The following LGALS7B variants were observed in gnomAD, a reference collection of about 807,000 sequenced individuals.
LGALS7B encodes galectin 7B.
A neutral mutation model predicts 7.6 loss-of-function variants in LGALS7B; 1 was observed. The observed-to-expected ratio is 0.13, with a 90% CI of 0.05 to 0.62. The LOEUF (loss-of-function observed/expected upper bound fraction) is 0.62. LGALS7B is among the 20% of genes least tolerant of loss of function. The pLI is 0.87. For synonymous variants in LGALS7B, 7 were observed against 49.6 expected, an observed-to-expected ratio of 0.14 and a Z score of 3.61; for missense variants, 17 against 109.4, an observed-to-expected ratio of 0.16 and a Z score of 3.77.
chr19:38,790,398 A>C (rs1260373823), intron 2 of LGALS7B: 2 of 586,056 alleles, frequency 3.4e-6, no homozygotes, highest in Non-Finnish European at 6.0e-6. Context: ...GTGCCAGCCC[A>C]TAAGACCTTC....
At chr19:38,789,326 A>G in intron 1 of LGALS7B, 94 bp downstream of exon 1, 1 of 435,190 alleles carries the variant, frequency 2.3e-6, no homozygotes, top group South Asian at 4.5e-5. Flanking sequence ...TGTGCCACGG[A>G]CTGGCCTGGG....
intron 1 of LGALS7B, 95 bp downstream of exon 1, chr19:38,789,327 C>T (rs1233355603): frequency 3.9e-4 from 155 of 393,170 alleles, no homozygotes; most frequent in Non-Finnish European, 5.4e-4. Flanking sequence ...GTGCCACGGA[C>T]TGGCCTGGGC....
Position 38,790,752 on chromosome 19 carries a change from C to T in LGALS7B, c.159C>T (p.Pro53=), listed in dbSNP as rs56351361. ...QGSDAALHFN[P]RLDTSEVVFN... The stretch of plus-strand genomic sequence containing the variant: ...CCGATGCCGCCCTGCATTTCAACCC[C>T]CGGCTGGACACGTCGGAGGTGGTCT... Residue 53 remains proline, a synonymous_variant, in exon 3 of 4, where the codon CCC becomes CCT. Transcript: ENST00000314980. 2.8e-5 allele frequency: 45 copies of T among 1,610,864 alleles called. No homozygotes were observed. The highest frequency in any genetic ancestry group is 3.7e-5 in the Non-Finnish European group (44 of 1,178,942).
intron 2 of LGALS7B, among the ~76,000 whole-genome samples, chr19:38,790,332 C>T (rs76477826): frequency 0.07 from 10,576 of 151,884 alleles, 947 homozygotes; most frequent in East Asian, 0.48. Context: ...TCTCCTTCTG[C>T]GGTGTGTGCC....
At chr19:38,789,286 C>T in intron 1 of LGALS7B, 54 bp downstream of exon 1, 1 of 565,486 alleles carries the variant, frequency 1.8e-6, no homozygotes, top group South Asian at 3.8e-5. Flanking sequence ...GCTGGGGGCT[C>T]CTCTTTCAAA....
In LGALS7B at chr19:38,790,749, C is replaced by T. The variant is rs371961194; in HGVS notation, c.156C>T (p.Asn52=). ...EQGSDAALHF[N]PRLDTSEVVF... is the part of the protein sequence containing the mutation. ...GCTCCGATGCCGCCCTGCATTTCAACCCCCGGCTGGACACGTCGGAGGTGG... is the reference window on the plus strand; with the variant it reads ...GCTCCGATGCCGCCCTGCATTTCAATCCCCGGCTGGACACGTCGGAGGTGG... The change falls in exon 3 of 4, where the codon AAC becomes AAT. Residue 52 remains asparagine (N), a synonymous_variant. Transcript: ENST00000314980. 56 of 1,610,818 alleles carry T rather than the reference C, an allele frequency of 3.5e-5. No homozygotes were observed. The African/African-American group carries it at 5.1e-4, about 15-fold the overall frequency.
At position 38,789,378 on chromosome 19, in the gene LGALS7B, C is replaced by G. The variant is rs1443817498; in HGVS notation, c.6+146C>G. ...ACCCCCATCCCGACTGTCCCCTCTA[C>G]CTCTTTGTGGCTTCCTCTGGGGCCC... On this transcript the variant is annotated intron_variant, in intron 1 of 3. Transcript: ENST00000314980. 30 of 312,408 alleles carry G rather than the reference C, an allele frequency of 9.6e-5. No homozygotes were observed. The African/African-American group carries it at 1.2e-3, about 13-fold the overall frequency. The allele number at this position is 312,408 out of a possible 1,614,324, so 19.4% of individuals were successfully genotyped here.
Position 38,790,733 on chromosome 19 carries a change from C to G in LGALS7B, c.140C>G (p.Ala47Gly). 1 of 1,610,788 alleles carries G rather than the reference C, an allele frequency of 6.2e-7. No homozygotes were observed. The highest frequency in any genetic ancestry group is 1.7e-5 in the Admixed American group (1 of 59,930). Residue 47 changes from alanine to glycine, a missense_variant, in exon 3 of 4, where the codon GCC (alanine) becomes GGC (glycine). By Grantham distance (60) the Ala-to-Gly change is moderately conservative. Around this residue, in one of 2 missense-constraint regions of LGALS7B, gnomAD observed 17 missense variants for 53.9 expected, o/e 0.32. Coordinates refer to ENST00000314980, the MANE Select transcript of LGALS7B (RefSeq NM_001042507.4). ...TGCGGGGAGGAGCAGGGCTCCGATG[C>G]CGCCCTGCATTTCAACCCCCGGCTG... ...LLCGEEQGSD[A>G]ALHFNPRLDT...
At chr19:38,789,363 C>T (rs1210836591) in intron 1 of LGALS7B, 131 bp downstream of exon 1, 4 of 330,412 alleles carry the variant, frequency 1.2e-5, no homozygotes, top group African/African-American at 3.6e-5. Flanking sequence ...ACCCCCATCC[C>T]GACTGTCCCC....
chr19:38,789,204 G>T lies in LGALS7B; in HGVS notation c.-23G>T, dbSNP rs943328216. 17 of 852,928 alleles carry T rather than the reference G, an allele frequency of 2.0e-5. No homozygotes were observed. The highest frequency in any genetic ancestry group is 2.6e-5 in the Non-Finnish European group (16 of 625,366). The allele number at this position is 852,928 out of a possible 1,614,324, so 52.8% of individuals were successfully genotyped here. The stretch of plus-strand genomic sequence containing the variant: ...GGTCCCCAGCAGGCCCCACCACCAC[G>T]GCTGCCCAACCCGGTCCCAGCCATG... On this transcript the variant is annotated 5_prime_UTR_variant, in exon 1 of 4. Transcript: ENST00000314980.
Position 38,789,259 on chromosome 19 carries a change from G to T in LGALS7B, c.6+27G>T, listed in dbSNP as rs1338462426. ...TGAGTGCTCCAGGGGCCCGGGGCGGGGCCAAGCAGGGAGGGGGCTGGGGGC... is the reference window on the plus strand; with the variant it reads ...TGAGTGCTCCAGGGGCCCGGGGCGGTGCCAAGCAGGGAGGGGGCTGGGGGC... On this transcript the variant is annotated intron_variant, in intron 1 of 3. Transcript: ENST00000314980. The T allele has an allele frequency of 9.3e-5, 68 of 734,468 alleles. 1 individual carries two copies. The highest frequency in any genetic ancestry group is 3.8e-6 in the Non-Finnish European group (2 of 519,534). 45.5% of individuals were successfully genotyped at this position (734,468 alleles called of 1,614,324 possible). A position where few individuals can be genotyped will look rare whatever the true frequency, so the allele number is the denominator to read the frequency against.
chr19:38,790,625 A>G, intron 2 of LGALS7B, 64 bp from the exon 3 acceptor site: 5 of 1,577,062 alleles, frequency 3.2e-6, no homozygotes, highest in Non-Finnish European at 3.5e-6. Context: ...GGTATTCCTC[A>G]CCCTCAACAT....
At chr19:38,790,271 AT>A (rs1271398118) in intron 2 of LGALS7B, among the ~76,000 whole-genome samples, 2 of 151,608 alleles carry the variant, frequency 1.3e-5, no homozygotes, top group African/African-American at 4.8e-5. Context: ...GGGCCTCATG[AT>A]ATTTTGGCTG....
intron 2 of LGALS7B, among the ~76,000 whole-genome samples, chr19:38,790,315 G>A (rs1424810131): frequency 4.6e-5 from 7 of 152,158 alleles, no homozygotes; most frequent in South Asian, 2.1e-4. Flanking sequence ...GTCATTAGTC[G>A]CCCACCTCTC....
At chr19:38,790,367 G>A (rs1360056748) in intron 2 of LGALS7B, among the ~76,000 whole-genome samples, 8 of 152,342 alleles carry the variant, frequency 5.3e-5, no homozygotes, top group African/African-American at 1.7e-4. Flanking sequence ...TGTTAATTTG[G>A]GGGTACTCTG....
rs190577097 is a variant in LGALS7B, at chr19:38,790,695, T to G, written c.102T>G (p.His34Gln). 6.8e-5 allele frequency: 110 copies of G among 1,613,650 alleles called. No homozygotes were observed. In the Admixed American group the frequency reaches 1.8e-3, roughly 26 times the overall value. ...GLVPPNASRF[H>Q]VNLLCGEEQG... ...CACCATCCCCCTCTTCCAGGTTCCATGTAAACCTGCTGTGCGGGGAGGAGC... is the reference window on the plus strand; with the variant it reads ...CACCATCCCCCTCTTCCAGGTTCCAGGTAAACCTGCTGTGCGGGGAGGAGC... Residue 34 changes from histidine (H) to glutamine (Q), a missense_variant, in exon 3 of 4, where the codon CAT becomes CAG. Physicochemically the swap from His to Gln is conservative, Grantham distance 24. Coordinates refer to ENST00000314980, the MANE Select transcript of LGALS7B (RefSeq NM_001042507.4).
Position 38,790,391 on chromosome 19 carries a change from C to G in LGALS7B, c.96-298C>G, listed in dbSNP as rs1971253003. 8.6e-6 allele frequency: 5 copies of G among 579,356 alleles called. No individual in the cohort carries two copies. In the East Asian group the frequency reaches 1.3e-4, roughly 15 times the overall value. The allele number at this position is 579,356 out of a possible 1,614,324, so 35.9% of individuals were successfully genotyped here. On this transcript the variant is annotated intron_variant, in intron 2 of 3. Coordinates refer to ENST00000314980, the MANE Select transcript of LGALS7B (RefSeq NM_001042507.4). ...GGGGGTACTCTGGGAATGGGGAGTG[C>G]CAGCCCATAAGACCTTCACTTTGGT...
Position 38,789,232 on chromosome 19 carries a change from C to T in LGALS7B, c.6C>T (p.Ser2=), listed in dbSNP as rs1157428772. The T allele has an allele frequency of 8.2e-6, 8 of 974,996 alleles. No homozygotes were observed. The highest frequency in any genetic ancestry group is 4.3e-5 in the Admixed American group (1 of 23,522). 60.4% of individuals were successfully genotyped at this position (974,996 alleles called of 1,614,324 possible). M[S]NVPHKSSLPE... Reference sequence around the variant, plus strand: ...TGCCCAACCCGGTCCCAGCCATGTCCGTGAGTGCTCCAGGGGCCCGGGGCG... The same window carrying T: ...TGCCCAACCCGGTCCCAGCCATGTCTGTGAGTGCTCCAGGGGCCCGGGGCG... Residue 2 remains serine (S), a splice_region_variant and synonymous_variant, in exon 1 of 4, where the codon TCC becomes TCT. Coordinates refer to ENST00000314980, the MANE Select transcript of LGALS7B (RefSeq NM_001042507.4).
intron 1 of LGALS7B, 91 bp downstream of exon 1, chr19:38,789,323 C>T (rs1342177699): frequency 1.4e-5 from 6 of 441,706 alleles, no homozygotes; most frequent in South Asian, 8.9e-5. Context: ...GAGTGTGCCA[C>T]GGACTGGCCT....
Sources: allele counts gnomAD v4.1 joint callset (sites outside exome capture counted in the v4.1 genomes callset), GRCh38; gene constraint gnomAD v4.1.1; regional missense constraint gnomAD v4.1.1; transcripts MANE v1.5; gene names NCBI Gene and HGNC (gene_info 2026-07-23, HGNC 2026-07-21).